Variants in RGS7 observed in about 807,000 individuals in gnomAD.
The protein encoded by RGS7 is regulator of G protein signaling 7, also known as regulator of G-protein signaling 7.
In RGS7, 27 loss-of-function variants were observed where a neutral mutation model predicts 81.1. The ratio of observed to expected loss-of-function variants is 0.33; its 90% CI spans 0.25 to 0.46. RGS7 has a LOEUF of 0.46. RGS7 is among the 20% of genes least tolerant of loss of function. RGS7 has a pLI of 1.00. For missense variants in RGS7, 396 were observed against 607.4 expected (o/e 0.65, Z 3.66); for synonymous variants, 208 against 207.7 (o/e 1.00, Z -0.01).
rs141588628 is a variant in RGS7, at chr1:241,307,609, T to C, written c.78+48090A>G. Among the ~76,000 whole-genome samples, 164 of 152,262 alleles carry C rather than the reference T, an allele frequency of 1.1e-3. 1 individual carries two copies. The highest frequency in any genetic ancestry group is 3.1e-3 in the African/African-American group (130 of 41,502). ...GAAGATAAAAAGAGGATACTGATTATTGATCACCCATTCTACGACGGGCCT... is the reference window on the plus strand; with the variant it reads ...GAAGATAAAAAGAGGATACTGATTACTGATCACCCATTCTACGACGGGCCT... On this transcript the variant is annotated intron_variant, in intron 2 of 18. Transcript: ENST00000440928.
chr1:240,809,335 C>T (rs375123917), intron 14 of RGS7, among the ~76,000 whole-genome samples: 16 of 152,230 alleles, frequency 1.1e-4, no homozygotes, highest in South Asian at 4.1e-4. Context: ...AATGCTCAGA[C>T]GAGTGACACA....
chr1:241,019,198 C>T (rs982685488), intron 3 of RGS7, among the ~76,000 whole-genome samples: 11 of 152,064 alleles, frequency 7.2e-5, no homozygotes, highest in Non-Finnish European at 1.0e-4. Flanking sequence ...TGCTAACTTA[C>T]GGTGTCTAGC....
intron 3 of RGS7, among the ~76,000 whole-genome samples, chr1:241,068,150 T>G (rs899900523): frequency 6.6e-6 from 1 of 150,696 alleles, no homozygotes; most frequent in East Asian, 2.0e-4. Flanking sequence ...AATACTCAGC[T>G]GCATTAATTC....
intron 9 of RGS7, among the ~76,000 whole-genome samples, chr1:240,860,010 GA>G (rs1436858923): frequency 6.6e-6 from 1 of 152,154 alleles, no homozygotes; most frequent in African/African-American, 2.4e-5. Flanking sequence ...AGTATTTTGA[GA>G]TATTCTAGCT....
At chr1:241,292,730 GT>G (rs2079157906) in intron 2 of RGS7, among the ~76,000 whole-genome samples, 1 of 152,128 alleles carries the variant, frequency 6.6e-6, no homozygotes, top group South Asian at 2.1e-4. Flanking sequence ...CTAATCTGTC[GT>G]GAACATTCCT....
chr1:241,006,930 T>G (rs2148650485), intron 3 of RGS7, among the ~76,000 whole-genome samples: 1 of 152,298 alleles, frequency 6.6e-6, no homozygotes. Flanking sequence ...CTTCTTATTA[T>G]TTTTGAGATG....
At chr1:241,335,358 C>A (rs550312188) in intron 2 of RGS7, among the ~76,000 whole-genome samples, 1 of 152,276 alleles carries the variant, frequency 6.6e-6, no homozygotes, top group African/African-American at 2.4e-5. Flanking sequence ...ACTTTCCACT[C>A]TGTGGGCAAT....
chr1:240,977,132 AC>A (rs1684244076), intron 4 of RGS7, among the ~76,000 whole-genome samples: 1 of 148,890 alleles, frequency 6.7e-6, no homozygotes, highest in Non-Finnish European at 1.5e-5. Flanking sequence ...ACACACACAC[AC>A]ACACACATTG....
At chr1:240,809,913 T>C (rs1412002435) in intron 14 of RGS7, among the ~76,000 whole-genome samples, 1 of 152,186 alleles carries the variant, frequency 6.6e-6, no homozygotes, top group African/African-American at 2.4e-5. Flanking sequence ...CTAATATTTC[T>C]TAGATATAAT....
chr1:241,261,488 G>T (rs539027711), intron 2 of RGS7, among the ~76,000 whole-genome samples: 11 of 151,974 alleles, frequency 7.2e-5, no homozygotes, highest in Non-Finnish European at 1.6e-4. Flanking sequence ...AATTAGCCCG[G>T]TGTGGTGGCA....
At chr1:241,122,881 C>T (rs958805573) in intron 2 of RGS7, among the ~76,000 whole-genome samples, 8 of 152,128 alleles carry the variant, frequency 5.3e-5, no homozygotes, top group Admixed American at 1.3e-4. Context: ...AGTCAAAATA[C>T]GGTTTCTACT....
At position 241,272,244 on chromosome 1, in the gene RGS7, C is replaced by T. The variant is rs575200017; in HGVS notation, c.78+83455G>A. ...TCCTGACCTCGTGATCCACCCACCT[C>T]GGCCTCCCAAAGTGCTGGGATTACA... On this transcript the variant is annotated intron_variant, in intron 2 of 18. Transcript: ENST00000440928. Among the ~76,000 whole-genome samples the T allele has an allele frequency of 6.6e-5, 10 of 152,166 alleles. No individual in the cohort carries two copies. In the South Asian group the frequency reaches 1.2e-3, roughly 19 times the overall value.
chr1:241,128,291 G>T lies in RGS7; in HGVS notation c.79-29529C>A, dbSNP rs575603539. On this transcript the variant is annotated intron_variant, in intron 2 of 18. Coordinates refer to ENST00000440928, the MANE Select transcript of RGS7 (RefSeq NM_001364886.1). ...GACTCCGTCTCAAAAAAAAAAAAAA[G>T]TTCAAAAAATGGCCAGGTGCGGTGG... 6.0e-5 allele frequency among the ~76,000 whole-genome samples: 7 copies of T among 117,546 alleles called. No individual in the cohort carries two copies. In the East Asian group the frequency reaches 1.0e-3, roughly 17 times the overall value. 77.1% of individuals were successfully genotyped at this position (117,546 alleles called of 152,430 possible).
At chr1:241,310,309 C>T (rs2080432391) in intron 2 of RGS7, among the ~76,000 whole-genome samples, 1 of 152,024 alleles carries the variant, frequency 6.6e-6, no homozygotes, top group Non-Finnish European at 1.5e-5. Flanking sequence ...TGTTCTGTTA[C>T]GTACATTTAT....
chr1:241,345,451 T>A (rs565467343), intron 2 of RGS7, among the ~76,000 whole-genome samples: 76 of 152,318 alleles, frequency 5.0e-4, no homozygotes, highest in Non-Finnish European at 1.0e-3. Flanking sequence ...AACTAAAATG[T>A]AATCATGAAG....
chr1:241,241,925 ACT>A (rs1407766991), intron 2 of RGS7, among the ~76,000 whole-genome samples: 1 of 133,894 alleles, frequency 7.5e-6, no homozygotes, highest in South Asian at 2.5e-4. Context: ...CTACTCTTTC[ACT>A]CTCTTTTTGT....
chr1:241,111,163 C>A (rs2065487455), intron 2 of RGS7, among the ~76,000 whole-genome samples: 1 of 152,164 alleles, frequency 6.6e-6, no homozygotes, highest in African/African-American at 2.4e-5. Context: ...TAAATTCATA[C>A]AAATATTTCG....
At chr1:241,001,633 G>A (rs1278586549) in intron 3 of RGS7, among the ~76,000 whole-genome samples, 3 of 152,154 alleles carry the variant, frequency 2.0e-5, no homozygotes, top group Non-Finnish European at 4.4e-5. Context: ...AAGCCATGAG[G>A]AGTCATGGCA....
At chr1:241,199,688 A>AC (rs2073355060) in intron 2 of RGS7, among the ~76,000 whole-genome samples, 1 of 151,516 alleles carries the variant, frequency 6.6e-6, no homozygotes, top group Non-Finnish European at 1.5e-5. Flanking sequence ...GCTTCCAGAA[A>AC]AAAAAAAAAA....
Sources: allele counts gnomAD v4.1 joint callset (sites outside exome capture counted in the v4.1 genomes callset), GRCh38; gene constraint gnomAD v4.1.1; transcripts MANE v1.5; gene names NCBI Gene and HGNC (gene_info 2026-07-23, HGNC 2026-07-21).